CCSER2: variants seen among roughly 807,000 people sequenced by gnomAD.
CCSER2 encodes coiled-coil serine rich protein 2, also known as serine-rich coiled-coil domain-containing protein 2.
Under a neutral mutation model 92.3 loss-of-function variants are expected in CCSER2, and 46 were observed. The observed-to-expected ratio is 0.50, with a 90% CI of 0.39 to 0.64. The LOEUF (loss-of-function observed/expected upper bound fraction) is 0.64. Ranked by LOEUF, CCSER2 falls within the 30% of genes least tolerant of loss-of-function variation. The probability of loss-of-function intolerance (pLI) is 0.00; values close to 1 mark genes in which losing one functional copy is unlikely to be tolerated. For synonymous variants in CCSER2, 433 were observed against 431.4 expected (o/e 1.00, Z -0.04); for missense variants, 1,244 against 1,238.9 (o/e 1.00, Z -0.06).
chr10:84,339,324 A>C (rs1844039137), intron 1 of CCSER2, among the ~76,000 whole-genome samples: 1 of 151,918 alleles, frequency 6.6e-6, no homozygotes, highest in Non-Finnish European at 1.5e-5. Context: ...ATTCTAATGC[A>C]CATGTGATGT....
intron 3 of CCSER2, among the ~76,000 whole-genome samples, chr10:84,404,803 T>TC (rs1842296454): frequency 1.3e-5 from 2 of 152,228 alleles, no homozygotes; most frequent in African/African-American, 4.8e-5. Context: ...ATGTTGTTTA[T>TC]AAGATCTACC....
At chr10:84,487,612 G>A (rs1206080486) in intron 9 of CCSER2, among the ~76,000 whole-genome samples, 2 of 152,220 alleles carry the variant, frequency 1.3e-5, no homozygotes, top group Admixed American at 6.5e-5. Context: ...CTTTGCTGAA[G>A]TTGCTTATCA....
intron 1 of CCSER2, among the ~76,000 whole-genome samples, chr10:84,339,380 A>G (rs568993330): frequency 6.6e-6 from 1 of 152,176 alleles, no homozygotes; most frequent in South Asian, 2.1e-4. Flanking sequence ...TTTTATTAGC[A>G]TACAGATAGT....
At chr10:84,342,068 C>T (rs1005855648) in intron 1 of CCSER2, among the ~76,000 whole-genome samples, 4 of 152,112 alleles carry the variant, frequency 2.6e-5, no homozygotes, top group Non-Finnish European at 4.4e-5. Flanking sequence ...CCCCTTCCCC[C>T]CCCTGGAGGT....
chr10:84,465,385 C>T (rs1027563479), intron 7 of CCSER2, among the ~76,000 whole-genome samples: 7 of 135,378 alleles, frequency 5.2e-5, no homozygotes, highest in African/African-American at 1.4e-4. Context: ...AATGTAGTGG[C>T]GCAATCTCGG....
chr10:84,441,791 C>T (rs1312175075), intron 6 of CCSER2, among the ~76,000 whole-genome samples: 1 of 113,768 alleles, frequency 8.8e-6, no homozygotes, highest in Non-Finnish European at 1.6e-5. Context: ...CGAAGTCTCG[C>T]TGTCTCTCAG....
At chr10:84,465,478 C>T (rs1235421145) in intron 7 of CCSER2, among the ~76,000 whole-genome samples, 1 of 151,570 alleles carries the variant, frequency 6.6e-6, no homozygotes, top group Non-Finnish European at 1.5e-5. Context: ...GCATCTGCCA[C>T]CATGCTCGGC....
intron 1 of CCSER2, among the ~76,000 whole-genome samples, chr10:84,360,596 G>T (rs1344077652): frequency 6.6e-6 from 1 of 152,170 alleles, no homozygotes; most frequent in Non-Finnish European, 1.5e-5. Context: ...ACACCATCCA[G>T]ATCAAGTTGC....
chr10:84,491,079 C>A (rs1463508353), intron 9 of CCSER2, among the ~76,000 whole-genome samples: 4 of 152,214 alleles, frequency 2.6e-5, no homozygotes, highest in Non-Finnish European at 5.9e-5. Context: ...GCAAATGTTT[C>A]TGCCTGATCA....
intron 3 of CCSER2, among the ~76,000 whole-genome samples, chr10:84,383,379 C>T (rs1324900225): frequency 2.0e-5 from 3 of 151,444 alleles, no homozygotes; most frequent in African/African-American, 7.3e-5. Flanking sequence ...GGTGTGATCT[C>T]GGCTCACTGC....
intron 1 of CCSER2, among the ~76,000 whole-genome samples, chr10:84,336,375 T>C (rs1843837384): frequency 1.3e-5 from 2 of 152,248 alleles, no homozygotes; most frequent in African/African-American, 4.8e-5. Flanking sequence ...ATATGTCATC[T>C]ATTACATTGC....
chr10:84,463,658 T>A (rs1378916817), intron 6 of CCSER2, among the ~76,000 whole-genome samples: 1 of 152,226 alleles, frequency 6.6e-6, no homozygotes, highest in Non-Finnish European at 1.5e-5. Context: ...CTCATAATGC[T>A]TAATGGTTCT....
intron 3 of CCSER2, among the ~76,000 whole-genome samples, chr10:84,375,292 G>A (rs1846266678): frequency 6.6e-6 from 1 of 152,068 alleles, no homozygotes; most frequent in African/African-American, 2.4e-5. Flanking sequence ...ATGTCTATTG[G>A]TATGGGAAGA....
intron 5 of CCSER2, among the ~76,000 whole-genome samples, chr10:84,434,880 CAG>C (rs1412097640): frequency 6.6e-6 from 1 of 152,100 alleles, no homozygotes; most frequent in African/African-American, 2.4e-5. Flanking sequence ...AATTTGGACT[CAG>C]ATCATCTATG....
chr10:84,484,693 A>G (rs1336579897), intron 9 of CCSER2, among the ~76,000 whole-genome samples: 1 of 152,208 alleles, frequency 6.6e-6, no homozygotes, highest in Non-Finnish European at 1.5e-5. Flanking sequence ...TTTACTCAAT[A>G]TTAGACATTG....
In CCSER2 at chr10:84,371,591, G is replaced by A. The variant is rs377664655; in HGVS notation, c.539G>A (p.Arg180Gln). 53 of 1,613,464 alleles carry A rather than the reference G, an allele frequency of 3.3e-5. No homozygotes were observed. Among genetic ancestry groups the A allele is most frequent in the Non-Finnish European group, 3.6e-5 (43 of 1,179,770 alleles). ...CAGTTGAATGGATTTTATGGAAACC[G>A]ATCAGCTGGTAGCATGCAAAGGCCT... ...KSQLNGFYGN[R>Q]SAGSMQRPRA... Residue 180 changes from arginine (R) to glutamine (Q), a missense_variant, in exon 2 of 10, where the codon CGA (arginine) becomes CAA (glutamine). Transcript: ENST00000372088.
At chr10:84,460,381 A>C (rs1846039466) in intron 6 of CCSER2, among the ~76,000 whole-genome samples, 1 of 151,274 alleles carries the variant, frequency 6.6e-6, no homozygotes, top group Non-Finnish European at 1.5e-5. Context: ...CTGGGATTAC[A>C]TGTGTGAGAT....
chr10:84,426,624 C>T (rs1481612707), intron 5 of CCSER2, among the ~76,000 whole-genome samples: 1 of 152,112 alleles, frequency 6.6e-6, no homozygotes, highest in Non-Finnish European at 1.5e-5. Context: ...TTTTCCTTTT[C>T]ACTTTCTTAT....
At chr10:84,497,849 TAG>T (rs985058878) in intron 9 of CCSER2, among the ~76,000 whole-genome samples, 12 of 152,320 alleles carry the variant, frequency 7.9e-5, no homozygotes, top group African/African-American at 2.9e-4. Context: ...AAATTAAAAA[TAG>T]AGTTATAAAA....
Sources: allele counts gnomAD v4.1 joint callset (sites outside exome capture counted in the v4.1 genomes callset), GRCh38; gene constraint gnomAD v4.1.1; transcripts MANE v1.5; gene names NCBI Gene and HGNC (gene_info 2026-07-23, HGNC 2026-07-21).